GRAMD4: variants seen among roughly 807,000 people sequenced by gnomAD.
The protein encoded by GRAMD4 is GRAM domain-containing protein 4.
In GRAMD4, 25 loss-of-function variants were observed where a neutral mutation model predicts 83.9. The ratio of observed to expected loss-of-function variants is 0.30; its 90% confidence interval spans 0.22 to 0.42. The LOEUF is 0.42. Ranked by LOEUF, GRAMD4 falls within the 10% of genes least tolerant of loss-of-function variation. The pLI, the probability that GRAMD4 is intolerant of heterozygous loss-of-function variation, is 1.00. For synonymous variants in GRAMD4, 336 were observed against 320.9 expected (o/e 1.05, Z -0.50); for missense variants, 593 against 788.7 (o/e 0.75, Z 2.97).
intron 1 of GRAMD4, among the ~76,000 whole-genome samples, chr22:46,592,743 A>T (rs2081222659): frequency 1.3e-5 from 2 of 152,066 alleles, no homozygotes; most frequent in African/African-American, 4.8e-5. Context: ...TTGTTGGCTG[A>T]CACCGCGCCC....
At chr22:46,603,515 C>CTTTTTTTT (rs71192425) in intron 1 of GRAMD4, among the ~76,000 whole-genome samples, 7 of 81,572 alleles carry the variant, frequency 8.6e-5, no homozygotes, top group South Asian at 5.8e-4. Context: ...GGCCTCTTCT[C>CTTTTTTTT]TTTTTTTTTT....
chr22:46,682,377 A>G (rs148097264), downstream of GRAMD4: 31 of 955,388 alleles, frequency 3.2e-5, no homozygotes, highest in East Asian at 3.3e-3. Context: ...CTATCTGTAA[A>G]TGATATGATG....
chr22:46,616,429 A>C (rs75814998), upstream of GRAMD4, among the ~76,000 whole-genome samples: 6 of 63,276 alleles, frequency 9.5e-5, no homozygotes, highest in Non-Finnish European at 9.3e-5. Context: ...TTCCCCCGTG[A>C]GTAGGTTCCC....
intron 8 of GRAMD4, among the ~76,000 whole-genome samples, chr22:46,664,381 G>A (rs989105857): frequency 2.6e-5 from 4 of 152,208 alleles, no homozygotes; most frequent in African/African-American, 9.6e-5. Flanking sequence ...GTGCAGCCTT[G>A]TCCCCCAGGG....
At chr22:46,624,324 CTTTTT>C (rs577618843) in intron 1 of GRAMD4, among the ~76,000 whole-genome samples, 1 of 69,570 alleles carries the variant, frequency 1.4e-5, no homozygotes, top group South Asian at 6.3e-4. Flanking sequence ...TTCCCTCTTC[CTTTTT>C]TTTTTTTTTT....
At chr22:46,681,130 T>C (rs2082668724), downstream of GRAMD4, among the ~76,000 whole-genome samples, 1 of 151,164 alleles carries the variant, frequency 6.6e-6, no homozygotes, top group Non-Finnish European at 1.5e-5. Flanking sequence ...GGAACAAGGC[T>C]CAGACCTACC....
intron 1 of GRAMD4, among the ~76,000 whole-genome samples, chr22:46,611,727 A>G (rs1489929480): frequency 6.6e-6 from 1 of 151,716 alleles, no homozygotes; most frequent in African/African-American, 2.4e-5. Context: ...GTGGTGGCTC[A>G]TGCCTGTAAT....
At chr22:46,577,230 G>A (rs1461162651) in exon 1 of GRAMD4, 3 of 964,148 alleles carry the variant, frequency 3.1e-6, no homozygotes, top group East Asian at 1.2e-4. Flanking sequence ...GCGCGGCCGG[G>A]CGGCCGGCGA....
intron 1 of GRAMD4, among the ~76,000 whole-genome samples, chr22:46,602,391 T>A (rs1248844436): frequency 6.6e-6 from 1 of 152,182 alleles, no homozygotes; most frequent in African/African-American, 2.4e-5. Context: ...TAGTTTGTAT[T>A]TATCGGCTGG....
upstream of GRAMD4, chr22:46,620,278 C>T (rs905842933): frequency 8.1e-6 from 8 of 984,294 alleles, no homozygotes; most frequent in Admixed American, 6.1e-5. This position sits in a 1 kb window ranked among gnomAD's most constrained non-coding sequence, Gnocchi z 4.7. Flanking sequence ...GGCCCAATTC[C>T]GTCCTGCTTG....
intron 1 of GRAMD4, among the ~76,000 whole-genome samples, chr22:46,610,306 G>A (rs1049128556): frequency 2.6e-5 from 4 of 152,236 alleles, no homozygotes; most frequent in Non-Finnish European, 4.4e-5. Flanking sequence ...TGGGGACATG[G>A]GCTTCTGTGA....
At chr22:46,647,722 G>A (rs1470954770) in intron 3 of GRAMD4, among the ~76,000 whole-genome samples, 1 of 152,270 alleles carries the variant, frequency 6.6e-6, no homozygotes, top group Non-Finnish European at 1.5e-5. Flanking sequence ...GTCCCGCCCT[G>A]CTGAACACAT....
At chr22:46,600,323 G>C (rs1474626986) in intron 1 of GRAMD4, among the ~76,000 whole-genome samples, 1 of 152,184 alleles carries the variant, frequency 6.6e-6, no homozygotes, top group African/African-American at 2.4e-5. Context: ...CTTAAGCAGA[G>C]GGGGGCTTTG....
chr22:46,591,358 A>C (rs541160156), intron 1 of GRAMD4, among the ~76,000 whole-genome samples: 1 of 152,294 alleles, frequency 6.6e-6, no homozygotes, highest in East Asian at 1.9e-4. Flanking sequence ...TCTCTACTAA[A>C]AATAAAAAAT....
chr22:46,580,718 A>G (rs1336548783), intron 1 of GRAMD4, among the ~76,000 whole-genome samples: 2 of 152,204 alleles, frequency 1.3e-5, no homozygotes, highest in Admixed American at 6.5e-5. Context: ...TAATCCCAAC[A>G]CTTTGGGAGG....
At chr22:46,641,207 G>A (rs2081970993) in intron 3 of GRAMD4, among the ~76,000 whole-genome samples, 2 of 152,124 alleles carry the variant, frequency 1.3e-5, no homozygotes, top group Admixed American at 6.5e-5. Context: ...TGAGTAGCTG[G>A]GATTACAGGC....
rs1409080608 is a variant in GRAMD4, at chr22:46,672,255, G to A, written c.1085-588G>A. ...TAGTAGGGGGACTGACCATGATTGT[G>A]TCAGGTGACAGTATCGGGGAGAAAA... On this transcript the variant is annotated intron_variant, in intron 13 of 18. Coordinates refer to ENST00000406902, the MANE Select transcript of GRAMD4 (RefSeq NM_015124.5). This position sits in a 1 kb window ranked among gnomAD's most constrained non-coding sequence, Gnocchi z 4.7. 6.6e-6 allele frequency among the ~76,000 whole-genome samples: 1 copy of A among 152,206 alleles called. No individual in the cohort carries two copies. Among genetic ancestry groups the A allele is most frequent in the African/African-American group, 2.4e-5 (1 of 41,450 alleles).
intron 3 of GRAMD4, among the ~76,000 whole-genome samples, chr22:46,657,369 G>A (rs1049290906): frequency 2.6e-5 from 4 of 152,258 alleles, no homozygotes; most frequent in Admixed American, 2.0e-4. Flanking sequence ...GTGACCCAGC[G>A]GTGTTGGTTT....
At chr22:46,600,686 C>T (rs545797157) in intron 1 of GRAMD4, among the ~76,000 whole-genome samples, 22 of 152,172 alleles carry the variant, frequency 1.4e-4, no homozygotes, top group African/African-American at 2.4e-4. Context: ...CAGCCTCAAG[C>T]GATGGAGGAC....
Sources: allele counts gnomAD v4.1 joint callset (sites outside exome capture counted in the v4.1 genomes callset), GRCh38; gene constraint gnomAD v4.1.1; non-coding constraint Gnocchi (gnomAD v3.1); transcripts MANE v1.5; gene names NCBI Gene and HGNC (gene_info 2026-07-23, HGNC 2026-07-21).